The following ASAP3 variants were observed in gnomAD, a reference collection of about 807,000 sequenced individuals.
The protein encoded by ASAP3 is arf-GAP with SH3 domain, ANK repeat and PH domain-containing protein 3.
In ASAP3, 85 loss-of-function variants were observed where a neutral mutation model predicts 118.2. That is an observed-to-expected ratio of 0.72 (90% CI 0.60 to 0.86). The LOEUF is 0.86. ASAP3 is among the 40% of genes least tolerant of loss of function. ASAP3 has a pLI of 0.00. For missense variants in ASAP3, 1,026 were observed against 1,175.0 expected (o/e 0.87, Z 1.85); for synonymous variants, 432 against 477.4 (o/e 0.90, Z 1.24).
chr1:23,469,194 C>A (rs1641883870), intron 1 of ASAP3, among the ~76,000 whole-genome samples: 1 of 152,162 alleles, frequency 6.6e-6, no homozygotes, highest in Middle Eastern at 3.4e-3. Context: ...GTAGTCCCAG[C>A]CACTTGGGAA....
chr1:23,462,424 T>C (rs775505067), intron 1 of ASAP3, among the ~76,000 whole-genome samples: 1 of 151,912 alleles, frequency 6.6e-6, no homozygotes, highest in Non-Finnish European at 1.5e-5. Context: ...CAAGTTCACA[T>C]GGCTGTTTAT....
rs982389943 is a variant in ASAP3 at position 23,429,547 on chromosome 1, G to A, written c.*309C>T. 8.6e-6 allele frequency: 2 copies of A among 232,994 alleles called. No homozygotes were observed. The highest frequency in any genetic ancestry group is 2.3e-5 in the African/African-American group (1 of 44,182). The allele number at this position is 232,994 out of a possible 1,614,324, so 14.4% of individuals were successfully genotyped here. A position where few individuals can be genotyped will look rare whatever the true frequency, so the allele number is the denominator to read the frequency against. ...AGACTGACGGGGGAAATAGAGTCTC[G>A]ATCTGATGAGGGACTGAGAGTTCTG... is the stretch of plus-strand genomic sequence containing the variant. On this transcript the variant is annotated 3_prime_UTR_variant, in exon 25 of 25. Transcript: ENST00000336689.
intron 1 of ASAP3, among the ~76,000 whole-genome samples, chr1:23,468,914 C>T (rs1641869901): frequency 1.4e-5 from 2 of 144,600 alleles, no homozygotes; most frequent in South Asian, 4.4e-4. Flanking sequence ...AATGAGCAAA[C>T]CAAGTTACAC....
chr1:23,434,464 G>A, intron 18 of ASAP3, 69 bp downstream of exon 18: 1 of 1,600,144 alleles, frequency 6.2e-7, no homozygotes, highest in Non-Finnish European at 8.6e-7. Flanking sequence ...GGAGGGAAGA[G>A]AATGGGAGAA....
upstream of ASAP3, chr1:23,484,189 C>G: frequency 5.8e-6 from 7 of 1,216,410 alleles, no homozygotes; most frequent in Non-Finnish European, 7.2e-6. Context: ...TGAGCTGCTC[C>G]GCGCTGAGCC....
intron 5 of ASAP3, among the ~76,000 whole-genome samples, chr1:23,447,780 T>A (rs565163907): frequency 1.3e-5 from 2 of 152,356 alleles, no homozygotes; most frequent in African/African-American, 4.8e-5. Flanking sequence ...AGATGCTACT[T>A]AACTCAAGGT....
chr1:23,474,470 T>C (rs1479279143), intron 1 of ASAP3, among the ~76,000 whole-genome samples: 1 of 152,184 alleles, frequency 6.6e-6, no homozygotes, highest in Non-Finnish European at 1.5e-5. Context: ...TCTCCTTTAT[T>C]AATTCCTCTT....
rs760951474 is a variant in ASAP3 at position 23,433,184 on chromosome 1, A to G, written c.2216T>C (p.Leu739Pro). The G allele has an allele frequency of 3.1e-6, 5 of 1,614,046 alleles. No individual in the cohort carries two copies. The highest frequency in any genetic ancestry group is 2.7e-5 in the African/African-American group (2 of 74,920). ...SNKTYETVAS[L>P]GAATPQGESE... ...CTCGCCCTGAGGGGTGGCTGCTCCC[A>G]GGCTGGCGACAGTCTCATAGGTCTT... The change falls in exon 22 of 25, where the codon CTG becomes CCG. Residue 739 changes from leucine to proline, a missense_variant. Physicochemically the swap from Leu to Pro is moderately conservative, Grantham distance 98. Transcript: ENST00000336689.
At chr1:23,478,282 T>A (rs1642196551) in intron 1 of ASAP3, among the ~76,000 whole-genome samples, 1 of 151,760 alleles carries the variant, frequency 6.6e-6, no homozygotes, top group Non-Finnish European at 1.5e-5. Context: ...CTGGCCAACA[T>A]GGCAAAACCC....
In ASAP3 at chr1:23,437,673, A is replaced by G. The variant is rs1043385848; in HGVS notation, c.1103-201T>C. ...TCTCAGAACTGGCCTCCGAAGTAGG[A>G]TCCCAACAAAGCTCCCTCTGCGTGA... On this transcript the variant is annotated intron_variant, in intron 12 of 24. Transcript: ENST00000336689. The surrounding 1 kb of genome is among the most constrained non-coding windows in gnomAD (Gnocchi z 6.1). Among the ~76,000 whole-genome samples, 2 of 152,146 alleles carry G rather than the reference A, an allele frequency of 1.3e-5. No individual in the cohort carries two copies. Among genetic ancestry groups the G allele is most frequent in the Non-Finnish European group, 2.9e-5 (2 of 68,012 alleles).
rs555562845 is a variant in ASAP3 at position 23,463,398 on chromosome 1, AT to A, written c.130-7205del. On this transcript the variant is annotated intron_variant, in intron 1 of 24. Transcript: ENST00000336689. ...TTTTAATCCACTCATCCACACACTC[AT>A]AAAAAAATTTAGTTTTAAGGAGACG... 2.6e-5 allele frequency among the ~76,000 whole-genome samples: 4 copies of A among 152,050 alleles called. No homozygotes were observed. The South Asian group carries it at 6.2e-4, about 24-fold the overall frequency.
At chr1:23,468,909 G>A (rs372769321) in intron 1 of ASAP3, among the ~76,000 whole-genome samples, 1 of 140,676 alleles carries the variant, frequency 7.1e-6, no homozygotes. Flanking sequence ...ACCTGAATGA[G>A]CAAACCAAGT....
Position 23,479,381 on chromosome 1 carries a change from G to A in ASAP3, c.129+4624C>T, listed in dbSNP as rs191448409. Among the ~76,000 whole-genome samples, 516 of 152,180 alleles carry A rather than the reference G, an allele frequency of 3.4e-3. 3 individuals carry two copies. Among genetic ancestry groups the A allele is most frequent in the South Asian group, 1.0e-2 (48 of 4,818 alleles). ...CCTGGAGAGGTGTACTTTTACCTCC[G>A]GCTCTTCAGTCTCATGAGGCACCTC... On this transcript the variant is annotated intron_variant, in intron 1 of 24. Coordinates refer to ENST00000336689, the MANE Select transcript of ASAP3 (RefSeq NM_017707.4).
intron 1 of ASAP3, among the ~76,000 whole-genome samples, chr1:23,460,272 T>G (rs1641528780): frequency 6.6e-6 from 1 of 152,186 alleles, no homozygotes; most frequent in African/African-American, 2.4e-5. Context: ...TTTGGGAGGC[T>G]GAGGCTGGTG....
intron 5 of ASAP3, among the ~76,000 whole-genome samples, chr1:23,450,511 C>T (rs999719379): frequency 1.3e-4 from 19 of 149,680 alleles, no homozygotes; most frequent in African/African-American, 3.7e-4. Context: ...ATATTTTAGG[C>T]TTGAAAATTA....
intron 1 of ASAP3, among the ~76,000 whole-genome samples, chr1:23,457,774 A>G (rs1268462526): frequency 6.6e-6 from 1 of 152,172 alleles, no homozygotes; most frequent in Non-Finnish European, 1.5e-5. Flanking sequence ...CGGCCTCCCA[A>G]GGTGCTGCGA....
chr1:23,484,396 G>A (rs1642443919), upstream of ASAP3: 4 of 271,630 alleles, frequency 1.5e-5, no homozygotes, highest in Admixed American at 1.7e-4. Flanking sequence ...CGCTTCCCCG[G>A]CCCCTCGCCG....
At chr1:23,441,014 AG>A in intron 10 of ASAP3, 87 bp downstream of exon 10, 1 of 1,243,190 alleles carries the variant, frequency 8.0e-7, no homozygotes, top group Non-Finnish European at 1.2e-6. Context: ...ACAAATGATT[AG>A]AACAGTTCCT....
chr1:23,477,759 G>A (rs747226359), intron 1 of ASAP3, among the ~76,000 whole-genome samples: 1 of 152,136 alleles, frequency 6.6e-6, no homozygotes, highest in Non-Finnish European at 1.5e-5. Context: ...TATCACCTAG[G>A]CTAGCATGCA....
Sources: gnomAD v4.1 joint callset for allele counts (sites outside exome capture counted in the v4.1 genomes callset) on GRCh38, gnomAD v4.1.1 for gene constraint, Gnocchi (gnomAD v3.1) non-coding constraint, MANE v1.5 for transcripts, NCBI Gene and HGNC (gene_info 2026-07-23, HGNC 2026-07-21) for gene names.